TAFA4: variants seen among roughly 807,000 people sequenced by gnomAD.
TAFA4 encodes TAFA chemokine like family member 4.
A neutral mutation model predicts 21.1 loss-of-function variants in TAFA4; 20 were observed. That is an observed-to-expected ratio of 0.95 (90% confidence interval 0.67 to 1.38). TAFA4 has a LOEUF of 1.38. Ranked by LOEUF, TAFA4 falls within the 40% of genes most tolerant of loss-of-function variation. The pLI, the probability that TAFA4 is intolerant of heterozygous loss-of-function variation, is 0.00. For missense variants in TAFA4, 211 were observed against 180.9 expected (o/e 1.17, Z -0.95); for synonymous variants, 71 against 67.4 (o/e 1.05, Z -0.26).
At chr3:68,918,537 A>G (rs564762444) in intron 1 of TAFA4, among the ~76,000 whole-genome samples, 94 of 152,224 alleles carry the variant, frequency 6.2e-4, no homozygotes, top group African/African-American at 2.2e-3. Flanking sequence ...ATAAAACTTC[A>G]TTTGATTTTT....
intron 3 of TAFA4, among the ~76,000 whole-genome samples, chr3:68,810,397 A>G (rs1217851769): frequency 6.6e-6 from 1 of 152,216 alleles, no homozygotes; most frequent in Non-Finnish European, 1.5e-5. Context: ...GGGAAGCACA[A>G]GGCATCAGGG....
chr3:68,885,027 A>G (rs2089656489), intron 2 of TAFA4, 148 bp downstream of exon 2: 2 of 708,186 alleles, frequency 2.8e-6, no homozygotes, highest in South Asian at 4.2e-5. Flanking sequence ...TGAAAGCTAA[A>G]ATGAAAAAAT....
At chr3:68,823,770 A>G (rs1704165400) in intron 3 of TAFA4, among the ~76,000 whole-genome samples, 1 of 152,196 alleles carries the variant, frequency 6.6e-6, no homozygotes, top group Admixed American at 6.5e-5. Context: ...CGTCCCTACA[A>G]AGGACATTAT....
At chr3:68,772,631 G>C (rs1702979366) in intron 3 of TAFA4, among the ~76,000 whole-genome samples, 1 of 152,168 alleles carries the variant, frequency 6.6e-6, no homozygotes, top group Non-Finnish European at 1.5e-5. Flanking sequence ...CCAAGGCATA[G>C]CTTCACGTTG....
intron 3 of TAFA4, among the ~76,000 whole-genome samples, chr3:68,829,263 A>G (rs543245137): frequency 6.6e-6 from 1 of 152,274 alleles, no homozygotes; most frequent in African/African-American, 2.4e-5. Context: ...CAACCATCTG[A>G]TCTTTGACAA....
At chr3:68,772,593 G>C (rs1359633122) in intron 3 of TAFA4, among the ~76,000 whole-genome samples, 2 of 152,210 alleles carry the variant, frequency 1.3e-5, no homozygotes, top group Non-Finnish European at 2.9e-5. Context: ...GCCTTGGACT[G>C]AGAGTTACAC....
intron 3 of TAFA4, among the ~76,000 whole-genome samples, chr3:68,873,333 GACATAC>G (rs1444316043): frequency 2.1e-5 from 1 of 46,978 alleles, no homozygotes; most frequent in South Asian, 1.7e-3. Context: ...GACACACGCA[GACATAC>G]ACACACACAC....
chr3:68,888,143 A>T (rs1421463750), intron 1 of TAFA4, among the ~76,000 whole-genome samples: 1 of 152,002 alleles, frequency 6.6e-6, no homozygotes, highest in Non-Finnish European at 1.5e-5. Flanking sequence ...CTTAAATTCC[A>T]TCTTCTAATG....
In TAFA4 at chr3:68,762,753, T is replaced by C. The variant is rs189657791; in HGVS notation, c.131-9735A>G. ...TCTCATGAAGTCAATAAAAGTGATG[T>C]TGGGGCCGGGCACAGTGGCTCACGC... On this transcript the variant is annotated intron_variant, in intron 3 of 5. Transcript: ENST00000295569. Among the ~76,000 whole-genome samples, 79 of 152,330 alleles carry C rather than the reference T, an allele frequency of 5.2e-4. No individual in the cohort carries two copies. The South Asian group carries it at 8.1e-3, about 16-fold the overall frequency.
At chr3:68,908,983 C>T (rs903570179) in intron 1 of TAFA4, among the ~76,000 whole-genome samples, 1 of 152,212 alleles carries the variant, frequency 6.6e-6, no homozygotes, top group Admixed American at 6.5e-5. Flanking sequence ...ATGCAGTAGT[C>T]ACTACCCACA....
intron 3 of TAFA4, among the ~76,000 whole-genome samples, chr3:68,798,765 T>G (rs866897002): frequency 1.3e-5 from 2 of 152,148 alleles, no homozygotes; most frequent in Non-Finnish European, 2.9e-5. Flanking sequence ...TGTAAAACTG[T>G]TTTTTACTAA....
chr3:68,751,490 T>C (rs1276521874), intron 4 of TAFA4, among the ~76,000 whole-genome samples: 2 of 152,172 alleles, frequency 1.3e-5, no homozygotes, highest in Non-Finnish European at 2.9e-5. Flanking sequence ...ATTCAATTAA[T>C]AGAGATGATA....
At position 68,792,977 on chromosome 3, in the gene TAFA4, C is replaced by T. The variant is rs924502615; in HGVS notation, c.131-39959G>A. Among the ~76,000 whole-genome samples, 9 of 152,146 alleles carry T rather than the reference C, an allele frequency of 5.9e-5. No homozygotes were observed. The East Asian group carries it at 1.5e-3, about 26-fold the overall frequency. ...TCTTATTCTCTTCATGATCCTTATA[C>T]AGCTGTGCTACTGCTTCCATGAGAT... On this transcript the variant is annotated intron_variant, in intron 3 of 5. Transcript: ENST00000295569.
chr3:68,739,120 G>A lies in TAFA4; in HGVS notation c.366C>T (p.Tyr122=), dbSNP rs1435043803. The A allele has an allele frequency of 1.9e-6, 3 of 1,613,978 alleles. No individual in the cohort carries two copies. The highest frequency in any genetic ancestry group is 2.5e-6 in the Non-Finnish European group (3 of 1,179,884). The change falls in exon 5 of 6, where the codon TAC becomes TAT. Residue 122 remains tyrosine (Y), a synonymous_variant. Transcript: ENST00000295569. ...TGCCACTGCTACAGGACCAACCTGA[G>A]TAATCTGGCAGCACTTTACAATCCT... ...EGEDCKVLPD[Y]SGWSCSSGNK...
chr3:68,779,177 T>A (rs1477513124), intron 3 of TAFA4, among the ~76,000 whole-genome samples: 1 of 152,262 alleles, frequency 6.6e-6, no homozygotes, highest in Middle Eastern at 3.4e-3. Flanking sequence ...ATTTAGTGTA[T>A]CTACTGGAAG....
At chr3:68,903,697 T>C (rs2089866944) in intron 1 of TAFA4, among the ~76,000 whole-genome samples, 1 of 152,218 alleles carries the variant, frequency 6.6e-6, no homozygotes, top group Non-Finnish European at 1.5e-5. Flanking sequence ...AGGTTTGTTA[T>C]ATAAGTGGAT....
intron 3 of TAFA4, among the ~76,000 whole-genome samples, chr3:68,849,235 G>A (rs1704884245): frequency 2.6e-5 from 4 of 152,050 alleles, no homozygotes. Flanking sequence ...ATTTAAGATC[G>A]ACACAAATTC....
At chr3:68,768,166 A>G (rs1702890871) in intron 3 of TAFA4, among the ~76,000 whole-genome samples, 1 of 152,184 alleles carries the variant, frequency 6.6e-6, no homozygotes, top group South Asian at 2.1e-4. Flanking sequence ...AATCAGAGTG[A>G]AGAGATGACC....
intron 3 of TAFA4, among the ~76,000 whole-genome samples, chr3:68,840,467 T>A (rs1178677515): frequency 6.6e-6 from 1 of 152,190 alleles, no homozygotes; most frequent in Non-Finnish European, 1.5e-5. Flanking sequence ...TCTACCCACC[T>A]CAGCCTCCCA....
Sources: gnomAD v4.1 joint callset for allele counts (sites outside exome capture counted in the v4.1 genomes callset) on GRCh38, gnomAD v4.1.1 for gene constraint, MANE v1.5 for transcripts, NCBI Gene and HGNC (gene_info 2026-07-23, HGNC 2026-07-21) for gene names.